Variants in SAMD5 observed in about 807,000 individuals in gnomAD.
The protein encoded by SAMD5 is sterile alpha motif domain containing 5.
SAMD5 carries 13 observed loss-of-function variants against 11.3 expected under a neutral mutation model. That is an observed-to-expected ratio of 1.15 (90% CI 0.75 to 1.83). The LOEUF (loss-of-function observed/expected upper bound fraction) is 1.83, where lower values mean the gene tolerates loss of function less well. SAMD5 is among the 40% of genes most tolerant of loss of function. The probability of loss-of-function intolerance (pLI) is 0.00; values close to 1 mark genes in which losing one functional copy is unlikely to be tolerated. For synonymous variants in SAMD5, 129 were observed against 111.3 expected (o/e 1.16, Z -1.00); for missense variants, 255 against 239.1 (o/e 1.07, Z -0.44).
intron 1 of SAMD5, among the ~76,000 whole-genome samples, chr6:147,720,326 G>A (rs1036384805): frequency 1.3e-5 from 2 of 152,270 alleles, no homozygotes; most frequent in East Asian, 1.9e-4. Flanking sequence ...AGCCAGGCGC[G>A]ATGGCGGGCT....
At chr6:147,587,111 C>A (rs1789385114) in intron 1 of SAMD5, among the ~76,000 whole-genome samples, 1 of 152,116 alleles carries the variant, frequency 6.6e-6, no homozygotes, top group African/African-American at 2.4e-5. Flanking sequence ...TAATTCATAT[C>A]TTTCCTGCTT....
At chr6:147,684,460 T>C (rs1790981733) in intron 1 of SAMD5, among the ~76,000 whole-genome samples, 1 of 152,174 alleles carries the variant, frequency 6.6e-6, no homozygotes, top group Non-Finnish European at 1.5e-5. Flanking sequence ...CTGTTGGGCT[T>C]ATATTAGGGG....
At chr6:147,798,538 T>C in the SAMD5 span, among the ~76,000 whole-genome samples, 1 of 151,710 alleles carries the variant, frequency 6.6e-6, no homozygotes, top group Admixed American at 6.6e-5. Flanking sequence ...AAAAAATGTA[T>C]ATTCTGTTGA....
intron 1 of SAMD5, among the ~76,000 whole-genome samples, chr6:147,606,974 A>AC (rs1298751624): frequency 6.6e-6 from 1 of 151,516 alleles, no homozygotes; most frequent in African/African-American, 2.4e-5. Flanking sequence ...AAAAAAAAAA[A>AC]AAAACAGAAA....
the SAMD5 span, among the ~76,000 whole-genome samples, chr6:147,845,435 G>A: frequency 1.3e-5 from 2 of 152,070 alleles, no homozygotes; most frequent in South Asian, 2.1e-4. Flanking sequence ...CTCTGTGAAA[G>A]GTCAAAAGGA....
chr6:147,577,278 C>A (rs1188721679), intron 1 of SAMD5, among the ~76,000 whole-genome samples: 1 of 152,166 alleles, frequency 6.6e-6, no homozygotes, highest in African/African-American at 2.4e-5. Flanking sequence ...CTTCCATGTC[C>A]ACATTAGAAA....
At chr6:147,625,980 G>A (rs980290344) in intron 1 of SAMD5, among the ~76,000 whole-genome samples, 1 of 152,078 alleles carries the variant, frequency 6.6e-6, no homozygotes, top group Non-Finnish European at 1.5e-5. Flanking sequence ...TGCTGTTAAG[G>A]GTAGCCATGC....
the SAMD5 span, among the ~76,000 whole-genome samples, chr6:147,894,173 G>T: frequency 6.7e-6 from 1 of 149,612 alleles, no homozygotes. Flanking sequence ...CACCAGGCTG[G>T]AGTGCAGTGG....
downstream of SAMD5, among the ~76,000 whole-genome samples, chr6:147,740,946 G>A (rs1277397321): frequency 6.6e-6 from 1 of 152,176 alleles, no homozygotes; most frequent in African/African-American, 2.4e-5. Context: ...AACCTGACAT[G>A]ACCTGAATAT....
intron 1 of SAMD5, among the ~76,000 whole-genome samples, chr6:147,538,201 A>G (rs927569700): frequency 1.3e-5 from 2 of 152,190 alleles, no homozygotes; most frequent in Non-Finnish European, 1.5e-5. Context: ...CTATGGAAAA[A>G]AGCTAAATAA....
the SAMD5 span, among the ~76,000 whole-genome samples, chr6:147,908,031 A>G: frequency 6.6e-6 from 1 of 151,966 alleles, no homozygotes; most frequent in Non-Finnish European, 1.5e-5. Context: ...GCAGCATTTG[A>G]TCATTGACAA....
At chr6:147,696,713 T>C (rs1014169832) in intron 1 of SAMD5, among the ~76,000 whole-genome samples, 5 of 152,194 alleles carry the variant, frequency 3.3e-5, no homozygotes, top group African/African-American at 1.2e-4. Context: ...CTTTGGGCAG[T>C]TTATTTAACT....
chr6:147,913,012 C>G, the SAMD5 span, among the ~76,000 whole-genome samples: 1 of 151,938 alleles, frequency 6.6e-6, no homozygotes, highest in South Asian at 2.1e-4. Flanking sequence ...CTAAGTATAC[C>G]TTCTTGTACA....
At chr6:147,744,364 A>G in the SAMD5 span, among the ~76,000 whole-genome samples, 1 of 152,222 alleles carries the variant, frequency 6.6e-6, no homozygotes, top group Non-Finnish European at 1.5e-5. Flanking sequence ...TAAAATAAAT[A>G]TAACTATTTC....
the SAMD5 span, among the ~76,000 whole-genome samples, chr6:147,816,212 A>G: frequency 6.9e-6 from 1 of 145,806 alleles, no homozygotes; most frequent in African/African-American, 2.6e-5. Flanking sequence ...CCCAGGAGAA[A>G]GAGGTTGCTG....
chr6:147,604,203 T>G (rs1789664133), intron 1 of SAMD5, among the ~76,000 whole-genome samples: 1 of 105,602 alleles, frequency 9.5e-6, no homozygotes. Flanking sequence ...TACATCAATG[T>G]ACTAACTTTT....
At chr6:147,660,706 TC>T (rs1277688867) in intron 1 of SAMD5, 3 of 152,298 alleles carry the variant, frequency 2.0e-5, no homozygotes, top group Non-Finnish European at 4.4e-5. Flanking sequence ...CGCCCTTCTC[TC>T]TTTTCCTCCT....
intron 1 of SAMD5, among the ~76,000 whole-genome samples, chr6:147,645,651 T>C (rs1790386240): frequency 6.6e-6 from 1 of 152,084 alleles, no homozygotes; most frequent in Non-Finnish European, 1.5e-5. Flanking sequence ...AGGAGCAGGG[T>C]ATAAGCTCGG....
chr6:147,632,987 A>G (rs1279267942), intron 1 of SAMD5, among the ~76,000 whole-genome samples: 1 of 152,144 alleles, frequency 6.6e-6, no homozygotes, highest in African/African-American at 2.4e-5. Context: ...CTTTGATGCC[A>G]CAGGTGCTGT....
Sources: allele counts gnomAD v4.1 joint callset (sites outside exome capture counted in the v4.1 genomes callset), GRCh38; gene constraint gnomAD v4.1.1; transcripts MANE v1.5; gene names NCBI Gene and HGNC (gene_info 2026-07-23, HGNC 2026-07-21).